The following POC1A variants were observed in gnomAD, a reference collection of about 807,000 sequenced individuals.
The protein encoded by POC1A is POC1 centriolar protein homolog A.
POC1A carries 34 observed loss-of-function variants against 47.8 expected under a neutral mutation model. That is an observed-to-expected ratio of 0.71 (90% CI 0.54 to 0.95). The LOEUF (loss-of-function observed/expected upper bound fraction) is 0.95. Among genes scored for constraint, POC1A ranks in the 40% least tolerant of loss-of-function variants. POC1A has a pLI of 0.00. For missense variants in POC1A, 466 were observed against 528.3 expected (o/e 0.88, Z 1.16); for synonymous variants, 177 against 207.6 (o/e 0.85, Z 1.27).
chr3:52,149,844 TG>T lies in POC1A; in HGVS notation c.246del (p.Asp82GlufsTer25). 1.2e-6 allele frequency: 2 copies of T among 1,613,826 alleles called. No homozygotes were observed. The highest frequency in any genetic ancestry group is 1.7e-6 in the Non-Finnish European group (2 of 1,179,978). ...TTGGGTACCCAGATGCGGACAGTCT[TG>T]TCTCGGGAGCCGGAAGCAAGCAGGT... ...SGHLLASGSRDKTVRIWVPNV... is the reference protein window; with the variant it reads ...SGHLLASGSRXKTVRIWVPNV... On this transcript the variant is annotated frameshift_variant, in exon 3 of 11. Transcript: ENST00000296484. LOFTEE classifies it high-confidence loss of function.
intron 10 of POC1A, among the ~76,000 whole-genome samples, chr3:52,083,078 T>C (rs1261607517): frequency 6.6e-6 from 1 of 152,180 alleles, no homozygotes; most frequent in Non-Finnish European, 1.5e-5. Flanking sequence ...GCAGCTCTGC[T>C]GGCCTCTGGG....
At chr3:52,100,793 C>T (rs1452084832) in intron 9 of POC1A, among the ~76,000 whole-genome samples, 1 of 152,096 alleles carries the variant, frequency 6.6e-6, no homozygotes, top group Non-Finnish European at 1.5e-5. Flanking sequence ...TGGAAGAAAA[C>T]CGTTCTTGGA....
rs189850936 is a variant in POC1A at position 52,082,762 on chromosome 3, G to A, written c.1126-6777C>T. Among the ~76,000 whole-genome samples, 38 of 152,212 alleles carry A rather than the reference G, an allele frequency of 2.5e-4. No individual in the cohort carries two copies. In the East Asian group the frequency reaches 7.3e-3, roughly 29 times the overall value. ...TTAGCCCCCTAAAAACTGTAGTGAT[G>A]CCCAAAGAAATTGCACTGAAATACA... On this transcript the variant is annotated intron_variant, in intron 10 of 10. Transcript: ENST00000296484.
chr3:52,126,452 A>T lies in POC1A; in HGVS notation c.814-1271T>A, dbSNP rs894862797. Among the ~76,000 whole-genome samples, 7 of 152,206 alleles carry T rather than the reference A, an allele frequency of 4.6e-5. No individual in the cohort carries two copies. The East Asian group carries it at 1.3e-3, about 29-fold the overall frequency. On this transcript the variant is annotated intron_variant, in intron 7 of 10. Coordinates refer to ENST00000296484, the MANE Select transcript of POC1A (RefSeq NM_015426.5). ...GTCCACCTTCGGCTCTTCCTCTCAG[A>T]GGTGCTCATAACACCTCTGACGAAA...
intron 7 of POC1A, among the ~76,000 whole-genome samples, chr3:52,125,951 C>A (rs1703982466): frequency 6.6e-6 from 1 of 152,176 alleles, no homozygotes; most frequent in South Asian, 2.1e-4. Context: ...GGGTTCTTCC[C>A]CACATACCTA....
chr3:52,124,614 C>A (rs998142570), intron 8 of POC1A, among the ~76,000 whole-genome samples: 2 of 152,206 alleles, frequency 1.3e-5, no homozygotes, highest in Non-Finnish European at 2.9e-5. Context: ...AGTACCTGCC[C>A]CAGCTCTAGC....
chr3:52,121,097 A>C (rs1053976957), intron 9 of POC1A, among the ~76,000 whole-genome samples: 1 of 152,192 alleles, frequency 6.6e-6, no homozygotes, highest in Admixed American at 6.5e-5. Context: ...CAGGTGTCTC[A>C]TCTGTGAATT....
At position 52,093,506 on chromosome 3, in the gene POC1A, C is replaced by G. The variant is rs1702710464; in HGVS notation, c.1125+3063G>C. Among the ~76,000 whole-genome samples the G allele has an allele frequency of 2.0e-5, 3 of 152,364 alleles. No homozygotes were observed. The South Asian group carries it at 6.2e-4, about 32-fold the overall frequency. On this transcript the variant is annotated intron_variant, in intron 10 of 10. Coordinates refer to ENST00000296484, the MANE Select transcript of POC1A (RefSeq NM_015426.5). ...ACGACAATGGCAGCAACAGGAGCAG[C>G]ACCCAACACATCAGCAGTGCACGGC...
chr3:52,142,567 C>T (rs888058957), intron 6 of POC1A, among the ~76,000 whole-genome samples: 14 of 152,180 alleles, frequency 9.2e-5, no homozygotes, highest in African/African-American at 3.1e-4. Context: ...GGCTTGCTAG[C>T]CACACACTGC....
intron 9 of POC1A, among the ~76,000 whole-genome samples, chr3:52,116,989 A>G (rs1391965462): frequency 6.6e-6 from 1 of 152,132 alleles, no homozygotes; most frequent in Admixed American, 6.5e-5. Flanking sequence ...CGAGTTCGAG[A>G]CCAGCCTGGC....
intron 6 of POC1A, among the ~76,000 whole-genome samples, chr3:52,141,227 A>T (rs1456354349): frequency 6.6e-6 from 1 of 152,184 alleles, no homozygotes; most frequent in African/African-American, 2.4e-5. Context: ...ACCTGAGTAC[A>T]CCCACTCCAT....
chr3:52,153,718 A>G (rs535617620), intron 1 of POC1A, among the ~76,000 whole-genome samples: 1 of 152,344 alleles, frequency 6.6e-6, no homozygotes, highest in South Asian at 2.1e-4. Context: ...GGGGACAGGA[A>G]GGGAGGTAGA....
In POC1A at chr3:52,125,144, T is replaced by G; in HGVS notation, c.851A>C (p.Glu284Ala). ...ATTVAFSRTG[E>A]YFASGGSDEQ... is the part of the protein sequence containing the mutation. ...ATCAGAGCCTCCAGAAGCAAAATAC[T>G]CCCCCGTTCTTGAAAAGGCAACAGT... Residue 284 changes from glutamate (E) to alanine (A), a missense_variant, in exon 8 of 11, where the codon GAG becomes GCG. Glu to Ala is a moderately radical substitution (Grantham distance 107). Coordinates refer to ENST00000296484, the MANE Select transcript of POC1A (RefSeq NM_015426.5). 15 of 1,613,826 alleles carry G rather than the reference T, an allele frequency of 9.3e-6. No individual in the cohort carries two copies. The highest frequency in any genetic ancestry group is 1.3e-5 in the Non-Finnish European group (15 of 1,179,818).
chr3:52,141,100 C>A (rs1698178443), intron 6 of POC1A, among the ~76,000 whole-genome samples: 2 of 152,340 alleles, frequency 1.3e-5, no homozygotes, highest in African/African-American at 2.4e-5. Context: ...GTCAAAGATA[C>A]ACCAACATCA....
At chr3:52,150,881 GAAGC>G (rs1231731184) in intron 2 of POC1A, 131 bp downstream of exon 2, 1 of 731,416 alleles carries the variant, frequency 1.4e-6, no homozygotes, top group Non-Finnish European at 2.3e-6. Context: ...CTGGCAAGCA[GAAGC>G]AAGACTAGAA....
chr3:52,077,918 G>A (rs1702167844), intron 10 of POC1A, among the ~76,000 whole-genome samples: 1 of 152,072 alleles, frequency 6.6e-6, no homozygotes, highest in Non-Finnish European at 1.5e-5. Flanking sequence ...AGTTCCATAG[G>A]GGGCCCATAC....
At chr3:52,146,731 C>T (rs1477493157) in intron 5 of POC1A, among the ~76,000 whole-genome samples, 2 of 152,224 alleles carry the variant, frequency 1.3e-5, no homozygotes, top group African/African-American at 4.8e-5. Flanking sequence ...CAAATAATTA[C>T]ACAGCTCCAA....
Position 52,081,469 on chromosome 3 carries a change from G to T in POC1A, c.1126-5484C>A, listed in dbSNP as rs564403716. Among the ~76,000 whole-genome samples, 6 of 152,322 alleles carry T rather than the reference G, an allele frequency of 3.9e-5. 1 individual carries two copies. The East Asian group carries it at 1.2e-3, about 29-fold the overall frequency. On this transcript the variant is annotated intron_variant, in intron 10 of 10. Transcript: ENST00000296484. Reference sequence around the variant, plus strand: ...CACAGTTCAACGAGGCAGATGCCACGCAGGCGCATAGACAGTGGGCTGCAC... The same window carrying T: ...CACAGTTCAACGAGGCAGATGCCACTCAGGCGCATAGACAGTGGGCTGCAC...
intron 7 of POC1A, among the ~76,000 whole-genome samples, chr3:52,125,678 C>G (rs1703970918): frequency 6.6e-6 from 1 of 152,034 alleles, no homozygotes. Context: ...GCAGACAGGG[C>G]ATAGTTCAAG....
Sources: allele counts gnomAD v4.1 joint callset (sites outside exome capture counted in the v4.1 genomes callset), GRCh38; gene constraint gnomAD v4.1.1; transcripts MANE v1.5; gene names NCBI Gene and HGNC (gene_info 2026-07-23, HGNC 2026-07-21).